The following PSAP variants were observed in gnomAD, a reference collection of about 807,000 sequenced individuals.
PSAP encodes the protein precursor of saposins.
Under a neutral mutation model 66.0 loss-of-function variants are expected in PSAP, and 25 were observed. That is an observed-to-expected ratio of 0.38 (90% CI 0.28 to 0.53). The LOEUF (loss-of-function observed/expected upper bound fraction) is 0.53. Ranked by LOEUF, PSAP falls within the 20% of genes least tolerant of loss-of-function variation. PSAP has a pLI of 0.83. For missense variants in PSAP, 649 were observed against 668.8 expected, an observed-to-expected ratio of 0.97 and a Z score of 0.33; for synonymous variants, 273 against 258.9, an observed-to-expected ratio of 1.05 and a Z score of -0.52.
intron 11 of PSAP, 176 bp downstream of exon 11, chr10:71,819,288 CA>C: frequency 9.3e-7 from 1 of 1,075,200 alleles, no homozygotes; most frequent in Non-Finnish European, 1.4e-6. Flanking sequence ...CTCTCTACTT[CA>C]GGTTGCTTCC....
rs377027316 is a variant in PSAP, at chr10:71,829,044, G to A, written c.409C>T (p.Leu137Phe). The A allele has an allele frequency of 1.7e-5, 27 of 1,614,034 alleles. No homozygotes were observed. The highest frequency in any genetic ancestry group is 4.0e-5 in the African/African-American group (3 of 74,912). ...RPGEVCSALN[L>F]CESLQKHLAE... ...AGGTGCTTCTGGAGAGACTCGCAGA[G>A]GTTGAGAGCAGAGCACACCTCCCCA... The change falls in exon 5 of 14, where the codon CTC becomes TTC. Residue 137 changes from leucine (L) to phenylalanine (F), a missense_variant. Transcript: ENST00000394936.
intron 3 of PSAP, 89 bp from the exon 4 acceptor site, chr10:71,831,340 A>G: frequency 6.5e-7 from 1 of 1,536,038 alleles, no homozygotes; most frequent in East Asian, 2.3e-5. Flanking sequence ...AATAGCTCCC[A>G]GAAAAACCAA....
At chr10:71,818,749 G>C (rs764882272) in intron 12 of PSAP, 25 bp from the exon 13 acceptor site, 1 of 1,576,324 alleles carries the variant, frequency 6.3e-7, no homozygotes, top group Non-Finnish European at 8.7e-7. Flanking sequence ...AAGGAAAGAA[G>C]AAAGGGGGAG....
In PSAP at chr10:71,819,916, G is replaced by C. The variant is rs754297002; in HGVS notation, c.1006-16C>G. On this transcript the variant is annotated splice_polypyrimidine_tract_variant and intron_variant, in intron 9 of 13. Transcript: ENST00000394936. Reference sequence around the variant, plus strand: ...GTATTTCTTTCTGAAACACACGAGAGGATCGTGTGAGAAGACGGGAGGCCG... The same window carrying C: ...GTATTTCTTTCTGAAACACACGAGACGATCGTGTGAGAAGACGGGAGGCCG... 1 of 1,608,560 alleles carries C rather than the reference G, an allele frequency of 6.2e-7. No homozygotes were observed. Among genetic ancestry groups the C allele is most frequent in the Non-Finnish European group, 8.5e-7 (1 of 1,175,348 alleles).
rs1216069938 is a variant in PSAP, at chr10:71,819,067, G to T, written c.1395C>A (p.Ile465=). The change falls in exon 12 of 14, where the codon ATC becomes ATA. Residue 465 remains isoleucine (I), a synonymous_variant. Coordinates refer to ENST00000394936, the MANE Select transcript of PSAP (RefSeq NM_002778.4). ...AGGAAGGATCCATCACCTCCACCAG[G>T]ATCTCGATCAGCACGGGCTCGTACT... ...VAEYEPVLIE[I]LVEVMDPSFV... 6.2e-7 allele frequency: 1 copy of T among 1,614,040 alleles called. No individual in the cohort carries two copies. The highest frequency in any genetic ancestry group is 8.5e-7 in the Non-Finnish European group (1 of 1,180,024).
At chr10:71,831,294 C>T (rs183752424) in intron 3 of PSAP, 43 bp from the exon 4 acceptor site, 2 of 1,609,482 alleles carry the variant, frequency 1.2e-6, no homozygotes, top group Admixed American at 1.7e-5. Context: ...AGGCTTTCCT[C>T]CCTGGAAATA....
At chr10:71,821,499 T>C (rs979655056) in intron 8 of PSAP, among the ~76,000 whole-genome samples, 1 of 152,184 alleles carries the variant, frequency 6.6e-6, no homozygotes, top group Admixed American at 6.5e-5. Context: ...CCGTACACTC[T>C]GAGGGGTGTG....
intron 1 of PSAP, 69 bp from the exon 2 acceptor site, chr10:71,834,574 C>G: frequency 6.3e-7 from 1 of 1,585,260 alleles, no homozygotes; most frequent in South Asian, 1.1e-5. Flanking sequence ...ACTTATTTCC[C>G]CAGGGCTGAG....
intron 1 of PSAP, among the ~76,000 whole-genome samples, chr10:71,840,271 G>A (rs1297617324): frequency 6.6e-6 from 1 of 152,134 alleles, no homozygotes; most frequent in Admixed American, 6.5e-5. Flanking sequence ...CAGATCTGCT[G>A]CCTGGGTAAG....
chr10:71,831,221 A>G lies in PSAP; in HGVS notation c.280T>C (p.Cys94Arg), dbSNP rs1415572996. ...ATGTTCGGTTTCGGAAGCCAGTCAC[A>G]GGTCTTCTCCAAGTAAACAAGGATC... ...EEILVYLEKT[C>R]DWLPKPNMSA... is the part of the protein sequence containing the mutation. The change falls in exon 4 of 14, where the codon TGT (cysteine) becomes CGT (arginine). Residue 94 changes from cysteine to arginine, a missense_variant. Coordinates refer to ENST00000394936, the MANE Select transcript of PSAP (RefSeq NM_002778.4). 6.2e-7 allele frequency: 1 copy of G among 1,614,078 alleles called. No homozygotes were observed. Among genetic ancestry groups the G allele is most frequent in the Admixed American group, 1.7e-5 (1 of 60,008 alleles).
chr10:71,818,851 A>G, intron 12 of PSAP, 127 bp from the exon 13 acceptor site: 1 of 1,048,436 alleles, frequency 9.5e-7, no homozygotes. Flanking sequence ...CTTTCAGAAC[A>G]TCAGGGTTGC....
chr10:71,819,444 G>C (rs200839642), intron 11 of PSAP, 21 bp downstream of exon 11: 534 of 1,613,500 alleles, frequency 3.3e-4, no homozygotes, highest in Non-Finnish European at 4.3e-4. Flanking sequence ...CTGGCCTACC[G>C]CAGCCCAGCC....
intron 2 of PSAP, among the ~76,000 whole-genome samples, chr10:71,833,703 C>G (rs1185805139): frequency 6.6e-6 from 1 of 152,216 alleles, no homozygotes; most frequent in Non-Finnish European, 1.5e-5. Flanking sequence ...CAGAGCATCT[C>G]CTGAGAGGGC....
chr10:71,846,468 T>G lies in PSAP; in HGVS notation c.40+4714A>C, dbSNP rs147273467. On this transcript the variant is annotated intron_variant, in intron 1 of 13. Transcript: ENST00000394936. ...AGCCAGGTGCGGCGACTCACGCCTG[T>G]AATCCCAACACTTTGGGAGGCCGAG... 5.2e-3 allele frequency among the ~76,000 whole-genome samples: 767 copies of G among 148,768 alleles called. 10 individuals carry two copies. The highest frequency in any genetic ancestry group is 0.018 in the African/African-American group (715 of 40,424).
At chr10:71,851,081 A>T in intron 1 of PSAP, 101 bp downstream of exon 1, 1 of 1,362,312 alleles carries the variant, frequency 7.3e-7, no homozygotes, top group Non-Finnish European at 1.0e-6. Flanking sequence ...CTTGCCAACT[A>T]GGGCAGGGGG....
intron 7 of PSAP, among the ~76,000 whole-genome samples, chr10:71,822,400 C>T (rs1166441030): frequency 6.6e-6 from 1 of 152,152 alleles, no homozygotes; most frequent in Admixed American, 6.5e-5. Flanking sequence ...AACTACCATG[C>T]CCATAAACTA....
At chr10:71,834,247 C>T in intron 2 of PSAP, 125 bp downstream of exon 2, 2 of 1,472,834 alleles carry the variant, frequency 1.4e-6, no homozygotes, top group Non-Finnish European at 9.3e-7. Flanking sequence ...CACACAGAGT[C>T]ACAGTGAGAA....
intron 1 of PSAP, among the ~76,000 whole-genome samples, chr10:71,841,199 A>G (rs4747206): frequency 0.55 from 84,436 of 152,160 alleles, 23,829 homozygotes; most frequent in Non-Finnish European, 0.6. Flanking sequence ...CGCAGTTGGC[A>G]CAGGCACCCA....
chr10:71,847,090 C>T (rs932144312), intron 1 of PSAP, among the ~76,000 whole-genome samples: 3 of 152,174 alleles, frequency 2.0e-5, no homozygotes, highest in African/African-American at 7.2e-5. Context: ...ACCAAGTTCT[C>T]CTTTCCCTCA....
Sources: gnomAD v4.1 joint callset for allele counts (sites outside exome capture counted in the v4.1 genomes callset) on GRCh38, gnomAD v4.1.1 for gene constraint, MANE v1.5 for transcripts, NCBI Gene and HGNC (gene_info 2026-07-23, HGNC 2026-07-21) for gene names.